The following SLC25A42 variants were observed in gnomAD, a reference collection of about 807,000 sequenced individuals.
The protein encoded by SLC25A42 is mitochondrial coenzyme A transporter SLC25A42.
In SLC25A42, 19 loss-of-function variants were observed where a neutral mutation model predicts 34.7. That is an observed-to-expected ratio of 0.55 (90% CI 0.38 to 0.80). The LOEUF (loss-of-function observed/expected upper bound fraction) is 0.80. Ranked by LOEUF, SLC25A42 falls within the 30% of genes least tolerant of loss-of-function variation. The probability of loss-of-function intolerance (pLI) is 0.00; values close to 1 mark genes in which losing one functional copy is unlikely to be tolerated. For synonymous variants in SLC25A42, 205 were observed against 191.2 expected (o/e 1.07, Z -0.59); for missense variants, 364 against 441.3 (o/e 0.82, Z 1.57).
At chr19:19,090,148 G>T (rs1482300023) in intron 1 of SLC25A42, among the ~76,000 whole-genome samples, 1 of 152,082 alleles carries the variant, frequency 6.6e-6, no homozygotes, top group Non-Finnish European at 1.5e-5. Flanking sequence ...GCCAAGTTTG[G>T]GTTTTGAAGC....
In SLC25A42 at chr19:19,111,072, T is replaced by C; in HGVS notation, c.*196T>C. ...AGCTGGCAGCCCTGGAAGTGCAGTG[T>C]TGGGGCGATGGTGTGGGGGGTCCCG... On this transcript the variant is annotated 3_prime_UTR_variant, in exon 8 of 8. Coordinates refer to ENST00000318596, the MANE Select transcript of SLC25A42 (RefSeq NM_178526.5). 1 of 622,884 alleles carries C rather than the reference T, an allele frequency of 1.6e-6. No homozygotes were observed. Among genetic ancestry groups the C allele is most frequent in the South Asian group, 2.0e-5 (1 of 50,830 alleles). 38.6% of individuals were successfully genotyped at this position (622,884 alleles called of 1,614,324 possible).
rs1476883112 is a variant in SLC25A42, at chr19:19,109,506, C to T, written c.650-1063C>T. ...AGTGCAGTGGAACGATCTCAGCTCA[C>T]TGCAACCTCCACTTCCTGGGTTCAA... On this transcript the variant is annotated intron_variant, in intron 7 of 7. Transcript: ENST00000318596. This position sits in a 1 kb window ranked among gnomAD's most constrained non-coding sequence, Gnocchi z 4.1. Among the ~76,000 whole-genome samples the T allele has an allele frequency of 6.6e-6, 1 of 152,184 alleles. No individual in the cohort carries two copies. The highest frequency in any genetic ancestry group is 6.5e-5 in the Admixed American group (1 of 15,282).
intron 1 of SLC25A42, among the ~76,000 whole-genome samples, chr19:19,078,743 C>T (rs1220503202): frequency 2.0e-5 from 3 of 152,152 alleles, no homozygotes; most frequent in Non-Finnish European, 2.9e-5. Flanking sequence ...CCCAGGCTCC[C>T]ACCACCCTGT....
rs2146317619 is a variant in SLC25A42, at chr19:19,110,832, A to G, written c.913A>G (p.Thr305Ala). The G allele has an allele frequency of 6.2e-7, 1 of 1,613,766 alleles. No individual in the cohort carries two copies. Among genetic ancestry groups the G allele is most frequent in the East Asian group, 2.2e-5 (1 of 44,864 alleles). The change falls in exon 8 of 8, where the codon ACC becomes GCC. Residue 305 changes from threonine to alanine, a missense_variant. By Grantham distance (58) the Thr-to-Ala change is moderately conservative. Transcript: ENST00000318596. ...GPIAVGISFT[T>A]FDLMQILLRH... ...CATCGCCGTGGGCATCAGCTTCACC[A>G]CCTTCGACCTCATGCAGATCCTGCT...
chr19:19,104,894 G>C lies in SLC25A42; in HGVS notation c.188-19G>C. On this transcript the variant is annotated intron_variant, in intron 3 of 7. Transcript: ENST00000318596. Reference sequence around the variant, plus strand: ...TGTCCTTTGCATCTCAGTGGCTTTTGTGCTTTTGTTTTTTCCAGTGTCTTC... The same window carrying C: ...TGTCCTTTGCATCTCAGTGGCTTTTCTGCTTTTGTTTTTTCCAGTGTCTTC... The C allele has an allele frequency of 6.2e-7, 1 of 1,614,116 alleles. No homozygotes were observed. The highest frequency in any genetic ancestry group is 8.5e-7 in the Non-Finnish European group (1 of 1,179,992).
At chr19:19,070,518 G>C (rs1050960849) in intron 1 of SLC25A42, among the ~76,000 whole-genome samples, 16 of 151,280 alleles carry the variant, frequency 1.1e-4, no homozygotes, top group Middle Eastern at 3.5e-3. Flanking sequence ...GGCTGGTCTT[G>C]AACTGACCTC....
chr19:19,067,457 G>A (rs537929134), intron 1 of SLC25A42, among the ~76,000 whole-genome samples: 5 of 152,008 alleles, frequency 3.3e-5, no homozygotes, highest in East Asian at 1.9e-4. Context: ...GGTGGCGTGC[G>A]TAAATAGTCT....
At chr19:19,099,256 A>C (rs1426679685) in intron 2 of SLC25A42, among the ~76,000 whole-genome samples, 1 of 152,176 alleles carries the variant, frequency 6.6e-6, no homozygotes, top group East Asian at 1.9e-4. Context: ...ATCAAACTCC[A>C]TGGCGAAGTT....
Position 19,110,761 on chromosome 19 carries a change from T to A in SLC25A42, c.842T>A (p.Val281Glu). 1 of 1,613,216 alleles carries A rather than the reference T, an allele frequency of 6.2e-7. No homozygotes were observed. Among genetic ancestry groups the A allele is most frequent in the Non-Finnish European group, 8.5e-7 (1 of 1,179,846 alleles). The change falls in exon 8 of 8, where the codon GTG becomes GAG. Residue 281 changes from valine to glutamate, a missense_variant. Physicochemically the swap from Val to Glu is moderately radical, Grantham distance 121. Coordinates refer to ENST00000318596, the MANE Select transcript of SLC25A42 (RefSeq NM_178526.5). ...ACCATCGTGCGGGAGGAGGGCGCCG[T>A]GCGCGGCCTCTACAAAGGCTTGAGC... Reference protein sequence around the residue: ...LRTIVREEGAVRGLYKGLSMN... With the variant: ...LRTIVREEGAERGLYKGLSMN...
intron 1 of SLC25A42, among the ~76,000 whole-genome samples, chr19:19,083,079 C>T (rs2059689355): frequency 6.6e-6 from 1 of 152,146 alleles, no homozygotes; most frequent in Non-Finnish European, 1.5e-5. Flanking sequence ...GCCTCAGCCT[C>T]CCAAAGTGCT....
intron 1 of SLC25A42, among the ~76,000 whole-genome samples, chr19:19,092,831 A>G (rs2059744846): frequency 6.6e-6 from 1 of 152,172 alleles, no homozygotes; most frequent in Non-Finnish European, 1.5e-5. Flanking sequence ...GCCCAAGTGC[A>G]AGGACAGCCC....
At chr19:19,103,049 CCT>C (rs1456307682) in intron 3 of SLC25A42, among the ~76,000 whole-genome samples, 8 of 151,950 alleles carry the variant, frequency 5.3e-5, no homozygotes, top group Non-Finnish European at 1.0e-4. Flanking sequence ...GGCCTTCTCC[CCT>C]GTGTGTCTGT....
At chr19:19,071,699 C>T (rs980358682) in intron 1 of SLC25A42, among the ~76,000 whole-genome samples, 3 of 152,154 alleles carry the variant, frequency 2.0e-5, no homozygotes, top group East Asian at 3.9e-4. Flanking sequence ...AAACCTATCT[C>T]TGCTAAAAAT....
rs544377879 is a variant in SLC25A42, at chr19:19,075,424, G to T, written c.-35+11309G>T. On this transcript the variant is annotated intron_variant, in intron 1 of 7. Transcript: ENST00000318596. ...GCAGCATGGGAAAAGATACACGTATGTTATTTGGGGCTGGCCCCCCTCTGC... is the reference window on the plus strand; with the variant it reads ...GCAGCATGGGAAAAGATACACGTATTTTATTTGGGGCTGGCCCCCCTCTGC... 9.8e-5 allele frequency among the ~76,000 whole-genome samples: 15 copies of T among 152,386 alleles called. No individual in the cohort carries two copies. In the East Asian group the frequency reaches 1.7e-3, roughly 18 times the overall value.
chr19:19,091,484 T>G (rs2059737898), intron 1 of SLC25A42, among the ~76,000 whole-genome samples: 1 of 151,602 alleles, frequency 6.6e-6, no homozygotes, highest in Non-Finnish European at 1.5e-5. Flanking sequence ...TAAATAAAAA[T>G]AAATAAAGGG....
intron 4 of SLC25A42, 193 bp from the exon 5 acceptor site, chr19:19,105,368 G>A (rs766578506): frequency 6.1e-5 from 40 of 654,258 alleles, no homozygotes; most frequent in Non-Finnish European, 9.4e-5. Context: ...GAGGAAGGAC[G>A]GGGCTGGGGT....
chr19:19,096,093 C>G lies in SLC25A42; in HGVS notation c.-32C>G, dbSNP rs755201642. The G allele has an allele frequency of 6.2e-7, 1 of 1,600,306 alleles. No individual in the cohort carries two copies. Among genetic ancestry groups the G allele is most frequent in the Non-Finnish European group, 8.6e-7 (1 of 1,167,698 alleles). The stretch of plus-strand genomic sequence containing the variant: ...ACCACCTCCCCTTACCCCCCCAGGA[C>G]CGAGTCTCCTGCCATTCCGAGCAGG... On this transcript the variant is annotated splice_region_variant and 5_prime_UTR_variant, in exon 2 of 8. Coordinates refer to ENST00000318596, the MANE Select transcript of SLC25A42 (RefSeq NM_178526.5).
At chr19:19,094,750 C>T (rs934362949) in intron 1 of SLC25A42, among the ~76,000 whole-genome samples, 16 of 152,130 alleles carry the variant, frequency 1.1e-4, no homozygotes, top group African/African-American at 3.6e-4. Flanking sequence ...GATTTTAAAG[C>T]GTGGGAACTA....
chr19:19,096,975 G>T (rs147550547), intron 2 of SLC25A42, among the ~76,000 whole-genome samples: 51 of 152,190 alleles, frequency 3.4e-4, no homozygotes, highest in African/African-American at 7.5e-4. Flanking sequence ...AGAGCCAAAG[G>T]GGGTGGGCAT....
Sources: allele counts gnomAD v4.1 joint callset (sites outside exome capture counted in the v4.1 genomes callset), GRCh38; gene constraint gnomAD v4.1.1; non-coding constraint Gnocchi (gnomAD v3.1); transcripts MANE v1.5; gene names NCBI Gene and HGNC (gene_info 2026-07-23, HGNC 2026-07-21).